SLC67A2: variants seen among roughly 807,000 people sequenced by gnomAD.
The protein encoded by SLC67A2 is solute carrier family 67 member A2.
chr2:102,730,298 C>A, the SLC67A2 span, among the ~76,000 whole-genome samples: 3 of 152,182 alleles, frequency 2.0e-5, no homozygotes, highest in Non-Finnish European at 4.4e-5. Context: ...GATCCTCCAA[C>A]CTTAGCCTCC....
the SLC67A2 span, chr2:102,726,926 T>C: frequency 6.2e-7 from 1 of 1,612,104 alleles, no homozygotes; most frequent in African/African-American, 1.3e-5. Context: ...CTGAGTAGAA[T>C]GCATGCCAGC....
the SLC67A2 span, chr2:102,732,151 G>A: frequency 1.4e-6 from 1 of 726,900 alleles, no homozygotes; most frequent in East Asian, 2.7e-5. Context: ...AGAAAAAAAG[G>A]AATTGCATTT....
chr2:102,718,270 C>T, the SLC67A2 span: 5 of 881,196 alleles, frequency 5.7e-6, no homozygotes, highest in South Asian at 8.2e-5. Context: ...GGCTGCATGG[C>T]CAAGAGCTGA....
At chr2:102,736,736 C>T in the SLC67A2 span, 3 of 1,613,788 alleles carry the variant, frequency 1.9e-6, no homozygotes, top group Non-Finnish European at 2.5e-6. Context: ...CTGTCTTCTG[C>T]TCCTGTTTCC....
At chr2:102,726,141 C>T in the SLC67A2 span, among the ~76,000 whole-genome samples, 25 of 152,130 alleles carry the variant, frequency 1.6e-4, no homozygotes, top group Non-Finnish European at 3.4e-4. Context: ...AGCAAACTCG[C>T]CCACAAGCTG....
chr2:102,735,710 C>T, the SLC67A2 span, among the ~76,000 whole-genome samples: 2,330 of 152,268 alleles, frequency 0.015, 61 homozygotes, highest in African/African-American at 0.052. Flanking sequence ...TGTGGCAGAA[C>T]TGTGGATTAC....
the SLC67A2 span, chr2:102,717,403 T>C: frequency 1.3e-5 from 2 of 152,208 alleles, no homozygotes; most frequent in Admixed American, 1.3e-4. Flanking sequence ...ACCCTTATTC[T>C]GCATAAACTG....
At chr2:102,731,997 T>TGTAG in the SLC67A2 span, 1 of 443,968 alleles carries the variant, frequency 2.3e-6, no homozygotes, top group African/African-American at 2.1e-5. Context: ...TAAGGGTTCC[T>TGTAG]GTAGGCAGGA....
At chr2:102,732,159 T>A in the SLC67A2 span, 1 of 740,558 alleles carries the variant, frequency 1.4e-6, no homozygotes, top group African/African-American at 1.7e-5. Flanking sequence ...AGGAATTGCA[T>A]TTGCTATAGG....
chr2:102,731,371 T>C, the SLC67A2 span, among the ~76,000 whole-genome samples: 1 of 152,138 alleles, frequency 6.6e-6, no homozygotes. Context: ...TCATATGAGA[T>C]TGTGTAGCTT....
the SLC67A2 span, chr2:102,731,090 C>T: frequency 1.9e-6 from 3 of 1,609,038 alleles, no homozygotes; most frequent in South Asian, 2.2e-5. Context: ...AAATCAATAA[C>T]AATAAAATCA....
chr2:102,736,796 A>AC, the SLC67A2 span: 1 of 1,610,288 alleles, frequency 6.2e-7, no homozygotes, highest in African/African-American at 1.3e-5. Flanking sequence ...TGTCCCAGTG[A>AC]CCCCCAAGCT....
the SLC67A2 span, chr2:102,723,979 C>T: frequency 1.5e-6 from 2 of 1,311,866 alleles, no homozygotes; most frequent in South Asian, 2.4e-5. Flanking sequence ...TGATCCTGTG[C>T]TTAACCTCTA....
chr2:102,726,894 G>A, the SLC67A2 span: 37 of 1,611,772 alleles, frequency 2.3e-5, no homozygotes, highest in Admixed American at 2.3e-4. Flanking sequence ...TGGCTGCTCC[G>A]AGAAGGAGAT....
At chr2:102,729,851 A>T in the SLC67A2 span, among the ~76,000 whole-genome samples, 1 of 152,240 alleles carries the variant, frequency 6.6e-6, no homozygotes, top group East Asian at 1.9e-4. Flanking sequence ...AAATACTTCA[A>T]TAAATCAGGA....
chr2:102,734,467 A>G, the SLC67A2 span, among the ~76,000 whole-genome samples: 1 of 152,180 alleles, frequency 6.6e-6, no homozygotes, highest in Non-Finnish European at 1.5e-5. Flanking sequence ...TGACTTCTCT[A>G]AGCTTGTTCC....
chr2:102,735,369 C>T, the SLC67A2 span, among the ~76,000 whole-genome samples: 1 of 152,226 alleles, frequency 6.6e-6, no homozygotes, highest in Non-Finnish European at 1.5e-5. Flanking sequence ...CATAGAGTTG[C>T]TACCAACTGA....
the SLC67A2 span, chr2:102,731,956 G>A: frequency 8.6e-6 from 3 of 347,408 alleles, no homozygotes; most frequent in African/African-American, 6.5e-5. Context: ...GATTTCTGTA[G>A]ATTATGTTTC....
the SLC67A2 span, chr2:102,732,008 G>A: frequency 2.1e-6 from 1 of 471,390 alleles, no homozygotes; most frequent in South Asian, 1.8e-5. Flanking sequence ...GTAGGCAGGA[G>A]TCCACATGTA....
Sources: gnomAD v4.1 joint callset for allele counts (sites outside exome capture counted in the v4.1 genomes callset) on GRCh38, gnomAD v4.1.1 for gene constraint, MANE v1.5 for transcripts, NCBI Gene and HGNC (gene_info 2026-07-23, HGNC 2026-07-21) for gene names.